The following CHRNB3 variants were observed in gnomAD, a reference collection of about 807,000 sequenced individuals.
CHRNB3 encodes the protein cholinergic receptor nicotinic beta 3 subunit.
Under a neutral mutation model 40.6 loss-of-function variants are expected in CHRNB3, and 37 were observed. That is an observed-to-expected ratio of 0.91 (90% CI 0.70 to 1.20). The LOEUF is 1.20. Among genes scored for constraint, CHRNB3 ranks in the 50% most tolerant of loss-of-function variants. CHRNB3 has a pLI of 0.00. For synonymous variants in CHRNB3, 207 were observed against 207.1 expected (o/e 1.00, Z 0.00); for missense variants, 505 against 551.2 (o/e 0.92, Z 0.84).
chr8:42,727,484 T>G (rs1158740916), intron 3 of CHRNB3, among the ~76,000 whole-genome samples: 9 of 151,500 alleles, frequency 5.9e-5, no homozygotes, highest in Admixed American at 5.9e-4. Context: ...TTTTGACAAA[T>G]GTACAAAGGA....
At chr8:42,716,541 A>G (rs1213027880) in intron 3 of CHRNB3, among the ~76,000 whole-genome samples, 1 of 152,060 alleles carries the variant, frequency 6.6e-6, no homozygotes, top group Admixed American at 6.5e-5. Flanking sequence ...CGCCCAGGCT[A>G]GGGCTGCAGG....
chr8:42,703,559 T>C (rs894745478), intron 1 of CHRNB3, among the ~76,000 whole-genome samples: 14 of 150,844 alleles, frequency 9.3e-5, no homozygotes, highest in Admixed American at 3.3e-4. Flanking sequence ...TAATTTAAAA[T>C]ATAAGTTATT....
chr8:42,720,695 A>G (rs1234245195), intron 3 of CHRNB3, among the ~76,000 whole-genome samples: 1 of 152,198 alleles, frequency 6.6e-6, no homozygotes, highest in Non-Finnish European at 1.5e-5. Context: ...TCTCTGTTTT[A>G]TCTCTGGTCA....
rs1586387445 is a variant in CHRNB3 at position 42,697,537 on chromosome 8, T to C, written c.-10T>C. On this transcript the variant is annotated 5_prime_UTR_variant, in exon 1 of 6. Transcript: ENST00000289957. The stretch of plus-strand genomic sequence containing the variant: ...AAGGAAGAAACTGTCTTTCTGAAAC[T>C]GACATCACGATGCTCCCAGATTTTA... 6.2e-7 allele frequency: 1 copy of C among 1,611,928 alleles called. No individual in the cohort carries two copies. Among genetic ancestry groups the C allele is most frequent in the East Asian group, 2.2e-5 (1 of 44,874 alleles).
chr8:42,704,163 TC>T (rs1373392581), intron 1 of CHRNB3, among the ~76,000 whole-genome samples: 1 of 152,230 alleles, frequency 6.6e-6, no homozygotes, highest in African/African-American at 2.4e-5. Context: ...AGGGCTCTGT[TC>T]CTGGCTTACA....
chr8:42,710,805 A>G (rs1418593440), intron 3 of CHRNB3, among the ~76,000 whole-genome samples: 1 of 152,204 alleles, frequency 6.6e-6, no homozygotes, highest in Non-Finnish European at 1.5e-5. Flanking sequence ...AATCAGGGCT[A>G]CATCCTCCCT....
At position 42,717,100 on chromosome 8, in the gene CHRNB3, G is replaced by A. The variant is rs1017198905; in HGVS notation, c.249+6666G>A. Among the ~76,000 whole-genome samples, 8 of 135,170 alleles carry A rather than the reference G, an allele frequency of 5.9e-5. 2 individuals carry two copies. Among genetic ancestry groups the A allele is most frequent in the African/African-American group, 2.4e-4 (8 of 33,812 alleles). The allele number at this position is 135,170 out of a possible 152,430, so 88.7% of individuals were successfully genotyped here. On this transcript the variant is annotated intron_variant, in intron 3 of 5. Coordinates refer to ENST00000289957, the MANE Select transcript of CHRNB3 (RefSeq NM_000749.5). ...AAAATAAGAAGCAGACTGGCCGGGC[G>A]CGGTGGCTCACGCCTGTAATCCCAG...
At chr8:42,736,297 CT>C (rs1427764502) in intron 5 of CHRNB3, among the ~76,000 whole-genome samples, 186 bp from the exon 6 acceptor site, 1 of 152,178 alleles carries the variant, frequency 6.6e-6, no homozygotes, top group African/African-American at 2.4e-5. Flanking sequence ...CAAGCTGCTT[CT>C]TTTGGGCACA....
intron 3 of CHRNB3, among the ~76,000 whole-genome samples, chr8:42,722,809 C>T (rs1816241788): frequency 6.6e-6 from 1 of 152,080 alleles, no homozygotes. Flanking sequence ...CTGAAGCGAC[C>T]CACCTGCCTC....
At chr8:42,719,253 T>G (rs1586402002) in intron 3 of CHRNB3, among the ~76,000 whole-genome samples, 1 of 152,284 alleles carries the variant, frequency 6.6e-6, no homozygotes, top group South Asian at 2.1e-4. Context: ...CTGCTGACTC[T>G]GCCACTTGCA....
intron 1 of CHRNB3, among the ~76,000 whole-genome samples, chr8:42,706,852 C>T (rs946621439): frequency 2.6e-5 from 4 of 152,088 alleles, no homozygotes; most frequent in East Asian, 1.9e-4. Flanking sequence ...CCTTGACTTC[C>T]GGGACTCAAG....
rs200337760 is a variant in CHRNB3 at position 42,727,364 on chromosome 8, C to T, written c.250-3230C>T. On this transcript the variant is annotated intron_variant, in intron 3 of 5. Transcript: ENST00000289957. Reference sequence around the variant, plus strand: ...CTCCAGCCTGGGCGATAGAGTGAGACTCTGTCTCGAAAAAAAAAAAAAAAA... The same window carrying T: ...CTCCAGCCTGGGCGATAGAGTGAGATTCTGTCTCGAAAAAAAAAAAAAAAA... Among the ~76,000 whole-genome samples, 44 of 136,846 alleles carry T rather than the reference C, an allele frequency of 3.2e-4. No homozygotes were observed. In the East Asian group the frequency reaches 8.3e-3, roughly 26 times the overall value. 89.8% of individuals were successfully genotyped at this position (136,846 alleles called of 152,430 possible). A position where few individuals can be genotyped will look rare whatever the true frequency, so the allele number is the denominator to read the frequency against.
At chr8:42,714,710 G>A (rs1037257507) in intron 3 of CHRNB3, among the ~76,000 whole-genome samples, 7 of 152,166 alleles carry the variant, frequency 4.6e-5, no homozygotes, top group South Asian at 2.1e-4. Flanking sequence ...ACTGTGTAAC[G>A]GGAATAATCC....
In CHRNB3 at chr8:42,710,490, T is replaced by C. The variant is rs1815996553; in HGVS notation, c.249+56T>C. 4 of 1,331,942 alleles carry C rather than the reference T, an allele frequency of 3.0e-6. No homozygotes were observed. The Admixed American group carries it at 7.9e-5, about 26-fold the overall frequency. The allele number at this position is 1,331,942 out of a possible 1,614,324, so 82.5% of individuals were successfully genotyped here. On this transcript the variant is annotated intron_variant, in intron 3 of 5. Transcript: ENST00000289957. Reference sequence around the variant, plus strand: ...AACCCAGTCACTTATTTTCTATTTATAAAGGCTCCTATCTGAAAAACAATT... The same window carrying C: ...AACCCAGTCACTTATTTTCTATTTACAAAGGCTCCTATCTGAAAAACAATT...
Position 42,697,394 on chromosome 8 carries a change from T to G in CHRNB3, c.-153T>G. On this transcript the variant is annotated 5_prime_UTR_variant, in exon 1 of 6. Transcript: ENST00000289957. ...AAGCGGCACACTCGGCGAGAGGGGT[T>G]GAGATTGTTTTATTCCACTCCAGGT... The G allele has an allele frequency of 1.3e-5, 8 of 622,120 alleles. No individual in the cohort carries two copies. Among genetic ancestry groups the G allele is most frequent in the East Asian group, 2.7e-5 (1 of 36,742 alleles). 38.5% of individuals were successfully genotyped at this position (622,120 alleles called of 1,614,324 possible).
intron 3 of CHRNB3, among the ~76,000 whole-genome samples, chr8:42,729,597 A>G (rs1331736235): frequency 6.6e-6 from 1 of 151,864 alleles, no homozygotes; most frequent in Non-Finnish European, 1.5e-5. Context: ...ATATTTCAGT[A>G]TTTTACCATC....
chr8:42,709,137 G>T (rs111820537), intron 2 of CHRNB3, among the ~76,000 whole-genome samples: 159 of 152,158 alleles, frequency 1.0e-3, no homozygotes, highest in African/African-American at 3.6e-3. Flanking sequence ...TCCTGGCCCC[G>T]GTTTGCTGAA....
chr8:42,734,860 T>TA (rs1368592079), intron 5 of CHRNB3, among the ~76,000 whole-genome samples: 1 of 152,190 alleles, frequency 6.6e-6, no homozygotes, highest in African/African-American at 2.4e-5. Flanking sequence ...TGACTGCTGC[T>TA]AGACAAGAAA....
At position 42,731,681 on chromosome 8, in the gene CHRNB3, TCGAAGG is replaced by T. The variant is rs776648694; in HGVS notation, c.376_381del (p.Glu126_Gly127del). 8.8e-5 allele frequency: 141 copies of T among 1,608,420 alleles called. 1 individual carries two copies. In the Admixed American group the frequency reaches 2.4e-3, roughly 27 times the overall value. ...TTTGATTGCAGTGCTGACGGCCGCT[TCGAAGG>T]CTCCCTGATGACCAAGGTCATCGTG... On this transcript the variant is annotated inframe_deletion, in exon 5 of 6. Coordinates refer to ENST00000289957, the MANE Select transcript of CHRNB3 (RefSeq NM_000749.5).
Sources: allele counts gnomAD v4.1 joint callset (sites outside exome capture counted in the v4.1 genomes callset), GRCh38; gene constraint gnomAD v4.1.1; transcripts MANE v1.5; gene names NCBI Gene and HGNC (gene_info 2026-07-23, HGNC 2026-07-21).